The following RNF24 variants were observed in gnomAD, a reference collection of about 807,000 sequenced individuals.
RNF24 encodes ring finger protein 24.
In RNF24, 14 loss-of-function variants were observed where a neutral mutation model predicts 20.0. That is an observed-to-expected ratio of 0.70 (90% CI 0.46 to 1.10). The LOEUF is 1.10. Ranked by LOEUF, RNF24 falls within the 50% of genes least tolerant of loss-of-function variation. The pLI, the probability that RNF24 is intolerant of heterozygous loss-of-function variation, is 0.00. For synonymous variants in RNF24, 45 were observed against 61.1 expected, an observed-to-expected ratio of 0.74 and a Z score of 1.23; for missense variants, 124 against 177.6, an observed-to-expected ratio of 0.70 and a Z score of 1.71.
intron 2 of RNF24, among the ~76,000 whole-genome samples, chr20:3,953,109 G>T (rs78995798): frequency 0.016 from 2,420 of 152,204 alleles, 70 homozygotes; most frequent in African/African-American, 0.056. Flanking sequence ...GAGTTACTTG[G>T]CTTAAAATAT....
At chr20:3,968,649 C>G (rs1361178320) in intron 1 of RNF24, among the ~76,000 whole-genome samples, 2 of 152,100 alleles carry the variant, frequency 1.3e-5, no homozygotes, top group Non-Finnish European at 2.9e-5. Flanking sequence ...TTAGAAGGAA[C>G]TAACTTCTTT....
intron 2 of RNF24, among the ~76,000 whole-genome samples, chr20:3,957,110 C>T (rs558475070): frequency 6.6e-6 from 1 of 151,842 alleles, no homozygotes; most frequent in Non-Finnish European, 1.5e-5. Flanking sequence ...TCAGCCTGGC[C>T]AACATGGTGA....
rs1292813725 is a variant in RNF24, at chr20:3,928,567, C to CT, written c.*5495dup. On this transcript the variant is annotated 3_prime_UTR_variant, in exon 6 of 6. Coordinates refer to ENST00000358395, the MANE Select transcript of RNF24 (RefSeq NM_001134337.3). ...GGTCAGGAGATCGAGACCATCCTGGCTAACACGGTGAAACTCCGTCTGTAC... is the reference window on the plus strand; with the variant it reads ...GGTCAGGAGATCGAGACCATCCTGGCTTAACACGGTGAAACTCCGTCTGTAC... 1 of 152,008 alleles carries CT rather than the reference C, an allele frequency of 6.6e-6. No homozygotes were observed. The highest frequency in any genetic ancestry group is 1.5e-5 in the Non-Finnish European group (1 of 68,034). The allele number at this position is 152,008 out of a possible 1,614,324, so 9.4% of individuals were successfully genotyped here.
intron 2 of RNF24, among the ~76,000 whole-genome samples, chr20:3,949,966 A>G (rs1331041974): frequency 7.3e-6 from 1 of 137,682 alleles, no homozygotes; most frequent in Non-Finnish European, 1.6e-5. Flanking sequence ...GTCTTTATGT[A>G]TGCTGTGAGG....
chr20:3,972,433 G>A lies in RNF24; in HGVS notation c.-7-8409C>T, dbSNP rs372570673. Among the ~76,000 whole-genome samples, 88 of 152,202 alleles carry A rather than the reference G, an allele frequency of 5.8e-4. 2 individuals carry two copies. In the South Asian group the frequency reaches 0.017, roughly 29 times the overall value. On this transcript the variant is annotated intron_variant, in intron 1 of 5. Transcript: ENST00000358395. ...AATCTCAAACAACCTTTCAAAAATC[G>A]AAGTCATATAGAGTGTGTTACTGGA...
intron 1 of RNF24, among the ~76,000 whole-genome samples, chr20:3,997,431 T>A (rs1980974378): frequency 7.0e-6 from 1 of 142,398 alleles, no homozygotes; most frequent in African/African-American, 2.6e-5. Context: ...AAATACAGGA[T>A]TTTTTTTTTT....
intron 1 of RNF24, among the ~76,000 whole-genome samples, chr20:4,009,137 C>A (rs953943700): frequency 6.6e-6 from 1 of 152,118 alleles, no homozygotes; most frequent in Admixed American, 6.5e-5. Flanking sequence ...CTGGAGCTGA[C>A]CTTCTATTAG....
rs181035393 is a variant in RNF24, at chr20:3,930,103, G to C, written c.*3960C>G. The stretch of plus-strand genomic sequence containing the variant: ...AGGATACCCAAGGAACAAACCAATA[G>C]TAGGTATTCATGGAGTGAGGAGCGG... On this transcript the variant is annotated 3_prime_UTR_variant, in exon 6 of 6. Coordinates refer to ENST00000358395, the MANE Select transcript of RNF24 (RefSeq NM_001134337.3). 3 of 152,342 alleles carry C rather than the reference G, an allele frequency of 2.0e-5. No individual in the cohort carries two copies. The highest frequency in any genetic ancestry group is 1.5e-5 in the Non-Finnish European group (1 of 68,026). The allele number at this position is 152,342 out of a possible 1,614,324, so 9.4% of individuals were successfully genotyped here. A position where few individuals can be genotyped will look rare whatever the true frequency, so the allele number is the denominator to read the frequency against.
At chr20:3,991,094 G>A (rs1363969202) in intron 1 of RNF24, among the ~76,000 whole-genome samples, 2 of 151,962 alleles carry the variant, frequency 1.3e-5, no homozygotes, top group Admixed American at 1.3e-4. Context: ...TGACAGGGCT[G>A]GAAGGAGAAT....
At chr20:4,005,239 T>G (rs1981769835) in intron 1 of RNF24, among the ~76,000 whole-genome samples, 1 of 152,220 alleles carries the variant, frequency 6.6e-6, no homozygotes, top group Non-Finnish European at 1.5e-5. Flanking sequence ...AGGCAATATA[T>G]TTAAAGCTAC....
intron 1 of RNF24, among the ~76,000 whole-genome samples, chr20:3,974,063 TAA>T (rs151190219): frequency 2.6e-4 from 37 of 140,556 alleles, no homozygotes; most frequent in African/African-American, 8.6e-4. Context: ...GGCTTAATAT[TAA>T]AAAAAAAAAA....
At position 3,928,873 on chromosome 20, in the gene RNF24, C is replaced by CGGA. The variant is rs961795978; in HGVS notation, c.*5187_*5189dup. ...TCTTTTCTTGTGTGTTTTTTTGAGA[C>CGGA]GGAGTCTCGCTCTGTTGCCCAGGCT... On this transcript the variant is annotated 3_prime_UTR_variant, in exon 6 of 6. Coordinates refer to ENST00000358395, the MANE Select transcript of RNF24 (RefSeq NM_001134337.3). 1.4e-5 allele frequency: 2 copies of CGGA among 147,582 alleles called. No individual in the cohort carries two copies. Among genetic ancestry groups the CGGA allele is most frequent in the African/African-American group, 5.0e-5 (2 of 40,366 alleles). 9.1% of individuals were successfully genotyped at this position (147,582 alleles called of 1,614,324 possible).
chr20:3,940,822 T>C (rs2090946266), intron 4 of RNF24, among the ~76,000 whole-genome samples: 1 of 152,220 alleles, frequency 6.6e-6, no homozygotes, highest in East Asian at 1.9e-4. Flanking sequence ...TCTTCAGGAA[T>C]GAAGGTGAAA....
chr20:3,975,743 C>G (rs1568643127), intron 1 of RNF24, among the ~76,000 whole-genome samples: 1 of 151,966 alleles, frequency 6.6e-6, no homozygotes. Flanking sequence ...AAGAGACACA[C>G]AGAGAGAGAT....
At chr20:3,946,241 C>A (rs868720220) in intron 3 of RNF24, among the ~76,000 whole-genome samples, 1 of 151,866 alleles carries the variant, frequency 6.6e-6, no homozygotes, top group Non-Finnish European at 1.5e-5. Context: ...CCGAGGTGGG[C>A]GGACTGCTTG....
At chr20:4,002,882 T>C (rs989827876) in intron 1 of RNF24, among the ~76,000 whole-genome samples, 4 of 152,158 alleles carry the variant, frequency 2.6e-5, no homozygotes, top group Non-Finnish European at 5.9e-5. Context: ...AAATGGATGG[T>C]GGTAGTGAAT....
chr20:4,010,423 A>C (rs1180106662), intron 1 of RNF24, among the ~76,000 whole-genome samples: 1 of 152,182 alleles, frequency 6.6e-6, no homozygotes, highest in East Asian at 1.9e-4. Flanking sequence ...AAATACTGAC[A>C]ATGTTCTGTG....
At chr20:3,951,399 A>G (rs754214338) in intron 2 of RNF24, among the ~76,000 whole-genome samples, 14 of 152,264 alleles carry the variant, frequency 9.2e-5, no homozygotes, top group Admixed American at 2.0e-4. Context: ...GGGTTTCTCC[A>G]CTGTAGTGTA....
chr20:3,991,518 C>T (rs1980440496), intron 1 of RNF24, among the ~76,000 whole-genome samples: 1 of 152,102 alleles, frequency 6.6e-6, no homozygotes, highest in South Asian at 2.1e-4. Context: ...TCCCAAAGTA[C>T]AGGGATTACA....
Sources: allele counts gnomAD v4.1 joint callset (sites outside exome capture counted in the v4.1 genomes callset), GRCh38; gene constraint gnomAD v4.1.1; transcripts MANE v1.5; gene names NCBI Gene and HGNC (gene_info 2026-07-23, HGNC 2026-07-21).